AGBL4: variants seen among roughly 807,000 people sequenced by gnomAD.
AGBL4 encodes AGBL carboxypeptidase 4.
A neutral mutation model predicts 66.4 loss-of-function variants in AGBL4; 58 were observed. That is an observed-to-expected ratio of 0.87 (90% CI 0.71 to 1.09). AGBL4 has a LOEUF of 1.09. Ranked by LOEUF, AGBL4 falls within the 50% of genes least tolerant of loss-of-function variation. AGBL4 has a pLI of 0.00. For missense variants in AGBL4, 579 were observed against 631.0 expected, an observed-to-expected ratio of 0.92 and a Z score of 0.88; for synonymous variants, 234 against 222.9, an observed-to-expected ratio of 1.05 and a Z score of -0.44.
intron 2 of AGBL4, among the ~76,000 whole-genome samples, chr1:49,701,464 G>A (rs891509398): frequency 6.6e-6 from 1 of 151,970 alleles, no homozygotes; most frequent in Admixed American, 6.6e-5. Context: ...CAGATGTATA[G>A]TTATATAGTT....
intron 1 of AGBL4, among the ~76,000 whole-genome samples, chr1:49,975,184 A>G (rs189652396): frequency 6.6e-6 from 1 of 152,352 alleles, no homozygotes; most frequent in Admixed American, 6.5e-5. Context: ...AAGATAAAAT[A>G]TTAAGAACAC....
At chr1:49,594,707 T>C (rs1031081053) in intron 3 of AGBL4, among the ~76,000 whole-genome samples, 5 of 152,250 alleles carry the variant, frequency 3.3e-5, no homozygotes, top group Non-Finnish European at 7.3e-5. Context: ...CATCCTTTTT[T>C]ATGGCTGCAT....
intron 3 of AGBL4, among the ~76,000 whole-genome samples, chr1:49,489,842 A>G (rs1191232745): frequency 6.6e-6 from 1 of 151,490 alleles, no homozygotes; most frequent in East Asian, 1.9e-4. Flanking sequence ...AGATGTATGG[A>G]TTTGTTTCTG....
chr1:49,145,809 G>A (rs1416534956), intron 4 of AGBL4, among the ~76,000 whole-genome samples: 1 of 152,182 alleles, frequency 6.6e-6, no homozygotes, highest in Non-Finnish European at 1.5e-5. Flanking sequence ...GCACTCTCAT[G>A]TTTGCTGCAG....
intron 2 of AGBL4, among the ~76,000 whole-genome samples, chr1:49,839,594 G>A (rs1172533203): frequency 4.6e-5 from 7 of 152,292 alleles, no homozygotes; most frequent in African/African-American, 1.7e-4. Flanking sequence ...GAGGAATAAT[G>A]TAATATAATC....
chr1:49,178,363 T>C (rs898545795), intron 4 of AGBL4, among the ~76,000 whole-genome samples: 4 of 152,190 alleles, frequency 2.6e-5, no homozygotes, highest in African/African-American at 4.8e-5. Context: ...GTATCCTATA[T>C]AGTTTTAAGG....
intron 4 of AGBL4, among the ~76,000 whole-genome samples, chr1:49,225,685 ACT>A (rs1557745020): frequency 6.6e-6 from 1 of 152,146 alleles, no homozygotes; most frequent in Non-Finnish European, 1.5e-5. Context: ...CAGTAGGCAA[ACT>A]CTGGTGTGGG....
intron 2 of AGBL4, among the ~76,000 whole-genome samples, chr1:49,789,488 T>C (rs567792306): frequency 2.6e-5 from 4 of 152,282 alleles, no homozygotes; most frequent in African/African-American, 9.6e-5. Flanking sequence ...CAGCAAAGTC[T>C]CAAGATACAA....
At chr1:48,555,983 G>T (rs1644315884) in intron 11 of AGBL4, among the ~76,000 whole-genome samples, 1 of 152,136 alleles carries the variant, frequency 6.6e-6, no homozygotes, top group South Asian at 2.1e-4. Flanking sequence ...AGAAGGCAGG[G>T]AGCTCTGTGC....
chr1:48,942,301 T>A (rs949039770), intron 5 of AGBL4, among the ~76,000 whole-genome samples: 21 of 96,342 alleles, frequency 2.2e-4, no homozygotes, highest in African/African-American at 5.7e-4. Context: ...ATATGTTGAA[T>A]TATTGTGGTG....
At chr1:48,651,263 G>A (rs1001456479) in intron 8 of AGBL4, among the ~76,000 whole-genome samples, 20 of 152,140 alleles carry the variant, frequency 1.3e-4, no homozygotes, top group African/African-American at 4.6e-4. Context: ...TTATCACGGA[G>A]TCCTCAAATC....
chr1:49,516,230 C>T (rs1046385464), intron 3 of AGBL4, among the ~76,000 whole-genome samples: 3 of 151,748 alleles, frequency 2.0e-5, no homozygotes, highest in African/African-American at 7.3e-5. Flanking sequence ...GGAACACAGG[C>T]AAATACACAT....
chr1:48,829,717 GA>G (rs922833890), intron 6 of AGBL4, among the ~76,000 whole-genome samples: 49 of 145,054 alleles, frequency 3.4e-4, no homozygotes, highest in East Asian at 8.1e-4. Context: ...TGGAAAGCAG[GA>G]AAAAAAAAAC....
chr1:48,668,264 G>A (rs997184842), intron 6 of AGBL4, among the ~76,000 whole-genome samples: 1 of 152,160 alleles, frequency 6.6e-6, no homozygotes, highest in Non-Finnish European at 1.5e-5. Context: ...GACTGGAACA[G>A]CCCTGGCACT....
At chr1:48,666,877 T>A (rs536006103) in intron 6 of AGBL4, among the ~76,000 whole-genome samples, 5 of 152,338 alleles carry the variant, frequency 3.3e-5, no homozygotes, top group Admixed American at 2.0e-4. Context: ...ACATGCATGA[T>A]CTTATTTAAT....
chr1:49,529,758 C>T (rs1272567156), intron 3 of AGBL4, among the ~76,000 whole-genome samples: 1 of 151,942 alleles, frequency 6.6e-6, no homozygotes, highest in Non-Finnish European at 1.5e-5. Context: ...ATGTGAAATG[C>T]TCAAGGGTAC....
At chr1:49,002,294 T>C (rs974482753) in intron 5 of AGBL4, among the ~76,000 whole-genome samples, 1 of 152,054 alleles carries the variant, frequency 6.6e-6, no homozygotes, top group African/African-American at 2.4e-5. Context: ...ATGGGCAGAG[T>C]TTGTTGGACC....
chr1:49,005,094 A>G (rs3121518), intron 5 of AGBL4, among the ~76,000 whole-genome samples: 84,636 of 151,974 alleles, frequency 0.56, 24,116 homozygotes, highest in Non-Finnish European at 0.61. Context: ...TATAACTAGC[A>G]TCTAATAAAA....
chr1:49,197,999 C>T (rs1647369454), intron 4 of AGBL4, among the ~76,000 whole-genome samples: 1 of 152,160 alleles, frequency 6.6e-6, no homozygotes, highest in African/African-American at 2.4e-5. Context: ...ATGGTGTCCA[C>T]ACCCAGCTCT....
Sources: allele counts gnomAD v4.1 joint callset (sites outside exome capture counted in the v4.1 genomes callset), GRCh38; gene constraint gnomAD v4.1.1; transcripts MANE v1.5; gene names NCBI Gene and HGNC (gene_info 2026-07-23, HGNC 2026-07-21).